Variants in EPB41 observed in about 807,000 individuals in gnomAD.
EPB41 encodes the protein protein 4.1.
Under a neutral mutation model 108.0 loss-of-function variants are expected in EPB41, and 65 were observed. The ratio of observed to expected loss-of-function variants is 0.60; its 90% CI spans 0.49 to 0.74. The LOEUF (loss-of-function observed/expected upper bound fraction) is 0.74, where lower values mean the gene tolerates loss of function less well. Among genes scored for constraint, EPB41 ranks in the 30% least tolerant of loss-of-function variants. The pLI, the probability that EPB41 is intolerant of heterozygous loss-of-function variation, is 0.00. For synonymous variants in EPB41, 336 were observed against 358.9 expected (o/e 0.94, Z 0.72); for missense variants, 875 against 1,037.0 (o/e 0.84, Z 2.15).
intron 4 of EPB41, among the ~76,000 whole-genome samples, chr1:28,997,940 C>T (rs1354735639): frequency 6.6e-6 from 1 of 151,944 alleles, no homozygotes; most frequent in Non-Finnish European, 1.5e-5. Context: ...ATTTCCTGGG[C>T]CAATTAATTG....
intron 16 of EPB41, among the ~76,000 whole-genome samples, chr1:29,083,301 G>A (rs1422029875): frequency 6.6e-6 from 1 of 152,134 alleles, no homozygotes; most frequent in South Asian, 2.1e-4. Context: ...CCTTTTGCTA[G>A]CCCATGGTTA....
At chr1:28,904,924 G>C (rs994685745) in intron 1 of EPB41, among the ~76,000 whole-genome samples, 2 of 151,788 alleles carry the variant, frequency 1.3e-5, no homozygotes, top group African/African-American at 4.8e-5. Context: ...CCAGCTACTT[G>C]GGAGGCTGAG....
chr1:28,943,779 T>C (rs2094390575), intron 1 of EPB41, among the ~76,000 whole-genome samples: 1 of 152,166 alleles, frequency 6.6e-6, no homozygotes, highest in Non-Finnish European at 1.5e-5. Flanking sequence ...TGCAAATTAG[T>C]ATAACCATTT....
chr1:29,035,113 C>G (rs1226851764), intron 9 of EPB41, among the ~76,000 whole-genome samples: 1 of 151,484 alleles, frequency 6.6e-6, no homozygotes, highest in African/African-American at 2.4e-5. Context: ...TCCTGAGTAG[C>G]TGGAATTACA....
intron 10 of EPB41, among the ~76,000 whole-genome samples, chr1:29,036,653 A>G (rs936365263): frequency 4.0e-5 from 6 of 148,526 alleles, no homozygotes; most frequent in Non-Finnish European, 7.4e-5. Context: ...CTTTTATACT[A>G]TAAGGTTAAA....
At chr1:29,037,002 T>C (rs1639745013) in intron 10 of EPB41, among the ~76,000 whole-genome samples, 2 of 151,854 alleles carry the variant, frequency 1.3e-5, no homozygotes, top group African/African-American at 2.4e-5. Context: ...GATTGTTAGC[T>C]TCACTCTAAT....
intron 3 of EPB41, among the ~76,000 whole-genome samples, chr1:28,994,108 A>AG (rs1328423766): frequency 6.6e-6 from 1 of 152,300 alleles, no homozygotes; most frequent in African/African-American, 2.4e-5. Flanking sequence ...TCAGGATTGA[A>AG]GAAAAATATC....
chr1:28,960,380 G>C (rs758029225), intron 1 of EPB41, among the ~76,000 whole-genome samples: 4 of 151,604 alleles, frequency 2.6e-5, no homozygotes, highest in Non-Finnish European at 5.9e-5. Context: ...GCATTATTAT[G>C]AATAAGAACC....
At chr1:29,046,040 A>G (rs895074113) in intron 11 of EPB41, among the ~76,000 whole-genome samples, 2 of 152,026 alleles carry the variant, frequency 1.3e-5, no homozygotes, top group African/African-American at 4.8e-5. Context: ...TTTTTGTTCA[A>G]TTGTTTTGGT....
At chr1:28,892,711 CAAAT>C (rs1052321488) in intron 1 of EPB41, among the ~76,000 whole-genome samples, 4 of 148,558 alleles carry the variant, frequency 2.7e-5, no homozygotes, top group Non-Finnish European at 4.5e-5. Context: ...AACAAACAAA[CAAAT>C]AAACAAAACA....
At chr1:28,955,900 A>G (rs1006356203) in intron 1 of EPB41, among the ~76,000 whole-genome samples, 2 of 152,252 alleles carry the variant, frequency 1.3e-5, no homozygotes, top group Non-Finnish European at 2.9e-5. Context: ...CAGAAAAATC[A>G]TAGTTAACTG....
intron 1 of EPB41, among the ~76,000 whole-genome samples, chr1:28,901,388 C>A (rs1301893945): frequency 6.6e-6 from 1 of 150,718 alleles, no homozygotes; most frequent in Non-Finnish European, 1.5e-5. Flanking sequence ...CCATGTCCAG[C>A]TAATTTTTGT....
At chr1:29,015,552 C>T in intron 5 of EPB41, 140 bp from the exon 6 acceptor site, 3 of 616,604 alleles carry the variant, frequency 4.9e-6, no homozygotes, top group Non-Finnish European at 8.6e-6. Flanking sequence ...CCAGCCTGGG[C>T]AACAAGAGTG....
At chr1:28,891,675 T>G (rs1385023421) in intron 1 of EPB41, among the ~76,000 whole-genome samples, 4 of 152,214 alleles carry the variant, frequency 2.6e-5, no homozygotes, top group Non-Finnish European at 5.9e-5. Flanking sequence ...ATGTGGTTGC[T>G]GGTCATTTTT....
intron 1 of EPB41, among the ~76,000 whole-genome samples, chr1:28,916,772 G>T (rs2092705261): frequency 1.3e-5 from 2 of 151,740 alleles, no homozygotes; most frequent in Admixed American, 1.3e-4. Flanking sequence ...TAATCTGTAG[G>T]TTTTACCAAA....
Position 29,042,864 on chromosome 1 carries a change from T to G in EPB41, c.1636+3438T>G, listed in dbSNP as rs1033409245. On this transcript the variant is annotated intron_variant, in intron 11 of 20. Coordinates refer to ENST00000343067, the MANE Select transcript of EPB41 (RefSeq NM_001376013.1). ...GTTGCATGCTTTGTCTTAATCTTCA[T>G]GAAAACACTATGAACTAGGCTTGGA... Among the ~76,000 whole-genome samples the G allele has an allele frequency of 9.8e-5, 15 of 152,304 alleles. 1 individual carries two copies. The East Asian group carries it at 2.3e-3, about 23-fold the overall frequency.
chr1:28,901,151 G>C (rs561864610), intron 1 of EPB41, among the ~76,000 whole-genome samples: 2 of 151,964 alleles, frequency 1.3e-5, no homozygotes, highest in Admixed American at 6.6e-5. Context: ...GGATAGTCTC[G>C]ATCTGCTGAC....
At chr1:29,071,695 C>G (rs967416366) in intron 16 of EPB41, 3 of 65,030 alleles carry the variant, frequency 4.6e-5, no homozygotes, top group Non-Finnish European at 1.3e-4. Context: ...TGTGGGCACT[C>G]TCTCTCTCTT....
At chr1:28,936,308 G>A (rs2094022783) in intron 1 of EPB41, among the ~76,000 whole-genome samples, 1 of 152,136 alleles carries the variant, frequency 6.6e-6, no homozygotes, top group African/African-American at 2.4e-5. Context: ...TTGACTAAGT[G>A]ATGGCAAAGA....
Sources: allele counts gnomAD v4.1 joint callset (sites outside exome capture counted in the v4.1 genomes callset), GRCh38; gene constraint gnomAD v4.1.1; transcripts MANE v1.5; gene names NCBI Gene and HGNC (gene_info 2026-07-23, HGNC 2026-07-21).